The following HDDC2 variants were observed in gnomAD, a reference collection of about 807,000 sequenced individuals.
The protein encoded by HDDC2 is 5'-deoxynucleotidase HDDC2.
A neutral mutation model predicts 25.5 loss-of-function variants in HDDC2; 25 were observed. The observed-to-expected ratio is 0.98, with a 90% CI of 0.72 to 1.37. The LOEUF (loss-of-function observed/expected upper bound fraction) is 1.37, where lower values mean the gene tolerates loss of function less well. Among genes scored for constraint, HDDC2 ranks in the 40% most tolerant of loss-of-function variants. The pLI, the probability that HDDC2 is intolerant of heterozygous loss-of-function variation, is 0.00. For missense variants in HDDC2, 264 were observed against 253.1 expected (o/e 1.04, Z -0.29); for synonymous variants, 106 against 89.7 (o/e 1.18, Z -1.03).
At chr6:125,283,460 C>T (rs191643769) in intron 4 of HDDC2, among the ~76,000 whole-genome samples, 3 of 152,216 alleles carry the variant, frequency 2.0e-5, no homozygotes, top group Non-Finnish European at 2.9e-5. Context: ...TAAGCAACTT[C>T]AGCAAAGCCT....
chr6:125,278,167 C>T (rs796650444), intron 4 of HDDC2: 84 of 152,278 alleles, frequency 5.5e-4, no homozygotes, highest in African/African-American at 1.9e-3. Flanking sequence ...TTTTATTACA[C>T]GCTTATTCTT....
chr6:125,280,561 G>A (rs537042319), intron 4 of HDDC2, among the ~76,000 whole-genome samples: 7 of 152,322 alleles, frequency 4.6e-5, no homozygotes, highest in South Asian at 2.1e-4. Flanking sequence ...GGGGAGGGGC[G>A]TCCGCCATTT....
intron 4 of HDDC2, among the ~76,000 whole-genome samples, chr6:125,291,373 T>C (rs74522322): frequency 0.031 from 4,696 of 152,300 alleles, 216 homozygotes; most frequent in African/African-American, 0.11. Context: ...GCCAGAGCTT[T>C]TGGCTTTCAG....
chr6:125,286,165 G>A (rs73772424), intron 4 of HDDC2, among the ~76,000 whole-genome samples: 15 of 152,094 alleles, frequency 9.9e-5, no homozygotes, highest in African/African-American at 3.6e-4. Context: ...AACCTACTAG[G>A]CAACAAGTCT....
intron 4 of HDDC2, 101 bp downstream of exon 4, chr6:125,292,740 T>C: frequency 1.1e-6 from 1 of 895,654 alleles, no homozygotes; most frequent in African/African-American, 1.6e-5. Flanking sequence ...CAGTAATAAG[T>C]TAGGGACCGC....
intron 3 of HDDC2, among the ~76,000 whole-genome samples, chr6:125,295,746 G>C (rs1318221358): frequency 6.6e-6 from 1 of 152,018 alleles, no homozygotes; most frequent in Non-Finnish European, 1.5e-5. Context: ...CCCAGACACA[G>C]GCATACCACG....
At chr6:125,283,630 A>G (rs1159544354) in intron 4 of HDDC2, among the ~76,000 whole-genome samples, 8 of 152,218 alleles carry the variant, frequency 5.3e-5, no homozygotes, top group African/African-American at 1.7e-4. Context: ...GACCTCTTCA[A>G]GGAGAACTAC....
intron 4 of HDDC2, among the ~76,000 whole-genome samples, chr6:125,282,432 G>A (rs1798473079): frequency 6.6e-6 from 1 of 152,222 alleles, no homozygotes; most frequent in South Asian, 2.1e-4. Flanking sequence ...ATAAGTGAAG[G>A]AGAAATAAAA....
chr6:125,289,564 C>T (rs183033566), intron 4 of HDDC2, among the ~76,000 whole-genome samples: 3 of 151,660 alleles, frequency 2.0e-5, no homozygotes, highest in Admixed American at 1.3e-4. Flanking sequence ...AAAAGGTTGG[C>T]CCTGAGTGAA....
chr6:125,278,992 A>G (rs988980710), intron 4 of HDDC2: 2 of 152,356 alleles, frequency 1.3e-5, no homozygotes, highest in Middle Eastern at 3.4e-3. Context: ...AGCAAAACCC[A>G]AACAAAAACT....
chr6:125,276,186 CT>C lies in HDDC2; in HGVS notation c.574del (p.Ser192AlafsTer4), dbSNP rs1440503758. On this transcript the variant is annotated frameshift_variant, in exon 6 of 6. Coordinates refer to ENST00000398153, the MANE Select transcript of HDDC2 (RefSeq NM_016063.3). LOFTEE classifies it high-confidence loss of function. ...QLVSELEAER[S>X]TNIAAAASEP... is the part of the protein sequence containing the mutation. ...ACTGGCAGCTGCAGCTATGTTAGTGCTTCTTTCTGCCTCAAGTTCAGAAACA... is the reference window on the plus strand; with the variant it reads ...ACTGGCAGCTGCAGCTATGTTAGTGCTCTTTCTGCCTCAAGTTCAGAAACA... 5 of 1,614,172 alleles carry C rather than the reference CT, an allele frequency of 3.1e-6. No individual in the cohort carries two copies. The highest frequency in any genetic ancestry group is 4.2e-6 in the Non-Finnish European group (5 of 1,180,012).
intron 4 of HDDC2, 36 bp from the exon 5 acceptor site, chr6:125,277,276 G>A (rs746770487): frequency 1.9e-5 from 30 of 1,607,920 alleles, no homozygotes; most frequent in African/African-American, 1.5e-4. Context: ...CATGATTAGC[G>A]CTGCATAATA....
At chr6:125,293,779 A>G (rs534897951) in intron 3 of HDDC2, among the ~76,000 whole-genome samples, 5 of 152,286 alleles carry the variant, frequency 3.3e-5, no homozygotes, top group African/African-American at 1.2e-4. Context: ...CTGTGGCCAC[A>G]GTGACTGGTC....
At position 125,276,481 on chromosome 6, in the gene HDDC2, A is replaced by C. The variant is rs1206225032; in HGVS notation, c.518-238T>G. The stretch of plus-strand genomic sequence containing the variant: ...AAGGATGAGACTCAGGCAAGGAATC[A>C]TCAATTAGGCAGAGGTAGGGGAAAC... On this transcript the variant is annotated intron_variant, in intron 5 of 5. Coordinates refer to ENST00000398153, the MANE Select transcript of HDDC2 (RefSeq NM_016063.3). 8.0e-6 allele frequency: 4 copies of C among 497,500 alleles called. No homozygotes were observed. The South Asian group carries it at 1.2e-4, about 15-fold the overall frequency. 30.8% of individuals were successfully genotyped at this position (497,500 alleles called of 1,614,324 possible).
chr6:125,289,667 C>T (rs191795722), intron 4 of HDDC2, among the ~76,000 whole-genome samples: 89 of 152,264 alleles, frequency 5.8e-4, no homozygotes, highest in African/African-American at 1.9e-3. Context: ...TTATGCTGCT[C>T]TACATCAAGC....
At chr6:125,282,973 A>T (rs1798480466) in intron 4 of HDDC2, among the ~76,000 whole-genome samples, 1 of 152,252 alleles carries the variant, frequency 6.6e-6, no homozygotes, top group Admixed American at 6.5e-5. Context: ...ACTATCCTAA[A>T]TATAGGCTTC....
intron 4 of HDDC2, among the ~76,000 whole-genome samples, chr6:125,290,827 G>C (rs746352812): frequency 5.9e-5 from 9 of 152,118 alleles, no homozygotes; most frequent in Non-Finnish European, 1.3e-4. Context: ...CCTCTTTAGG[G>C]GTTATCAAGT....
At chr6:125,300,271 A>G in intron 2 of HDDC2, 1 of 398,212 alleles carries the variant, frequency 2.5e-6, no homozygotes. Context: ...GACATAACAC[A>G]CTCACCTTCA....
intron 4 of HDDC2, among the ~76,000 whole-genome samples, chr6:125,287,547 T>C (rs1301546350): frequency 1.3e-5 from 2 of 152,032 alleles, no homozygotes; most frequent in African/African-American, 4.8e-5. Flanking sequence ...CATGAGGCTG[T>C]TGAGTCGAGG....
Sources: gnomAD v4.1 joint callset for allele counts (sites outside exome capture counted in the v4.1 genomes callset) on GRCh38, gnomAD v4.1.1 for gene constraint, MANE v1.5 for transcripts, NCBI Gene and HGNC (gene_info 2026-07-23, HGNC 2026-07-21) for gene names.